The following NPAS3 variants were observed in gnomAD, a reference collection of about 807,000 sequenced individuals.
NPAS3 encodes the protein neuronal PAS domain-containing protein 3.
A neutral mutation model predicts 73.1 loss-of-function variants in NPAS3; 14 were observed. The observed-to-expected ratio is 0.19, with a 90% CI of 0.13 to 0.30. The LOEUF is 0.30. Ranked by LOEUF, NPAS3 falls within the 10% of genes least tolerant of loss-of-function variation. NPAS3 has a pLI of 1.00. For missense variants in NPAS3, 1,096 were observed against 1,250.0 expected, an observed-to-expected ratio of 0.88 and a Z score of 1.86; for synonymous variants, 620 against 541.5, an observed-to-expected ratio of 1.14 and a Z score of -2.01.
intron 9 of NPAS3, chr14:33,780,488 G>A: frequency 2.6e-6 from 1 of 386,456 alleles, no homozygotes; most frequent in East Asian, 7.2e-5. Flanking sequence ...TGTGCAGAGG[G>A]AGATGCCTTC....
At chr14:33,602,758 C>G (rs544987290) in intron 5 of NPAS3, among the ~76,000 whole-genome samples, 3 of 152,102 alleles carry the variant, frequency 2.0e-5, no homozygotes, top group Non-Finnish European at 4.4e-5. Context: ...CAGACTTATC[C>G]TGACAGTAGA....
At chr14:33,098,961 G>T (rs2042501968) in intron 2 of NPAS3, among the ~76,000 whole-genome samples, 1 of 152,200 alleles carries the variant, frequency 6.6e-6, no homozygotes, top group South Asian at 2.1e-4. Flanking sequence ...TTTGGAAATG[G>T]AAACTTAGTC....
At chr14:33,556,053 T>C (rs2055343771) in intron 4 of NPAS3, among the ~76,000 whole-genome samples, 1 of 152,142 alleles carries the variant, frequency 6.6e-6, no homozygotes, top group Non-Finnish European at 1.5e-5. Flanking sequence ...CACCAGGAAA[T>C]TGGAACATGT....
rs181778851 is a variant in NPAS3, at chr14:33,141,741, C to T, written c.141-73441C>T. On this transcript the variant is annotated intron_variant, in intron 2 of 11. Transcript: ENST00000356141. ...AATATACTCGTGATGCACATCTTTG[C>T]GTACATTTTGTATGAATGTTTACAT... Among the ~76,000 whole-genome samples, 531 of 152,210 alleles carry T rather than the reference C, an allele frequency of 3.5e-3. 4 individuals are homozygous for T. The highest frequency in any genetic ancestry group is 0.011 in the African/African-American group (476 of 41,502).
chr14:33,072,773 C>CT (rs1374257813), intron 2 of NPAS3, among the ~76,000 whole-genome samples: 3 of 152,148 alleles, frequency 2.0e-5, no homozygotes, highest in Non-Finnish European at 4.4e-5. Flanking sequence ...AGAGCTGGCA[C>CT]TTTTAGGCCT....
At chr14:33,532,608 TTC>T (rs1158230458) in intron 4 of NPAS3, among the ~76,000 whole-genome samples, 1 of 152,136 alleles carries the variant, frequency 6.6e-6, no homozygotes, top group Non-Finnish European at 1.5e-5. Context: ...ACTCTGGAAG[TTC>T]TCTCTTTCTG....
chr14:33,257,088 G>T (rs995556132), intron 3 of NPAS3, among the ~76,000 whole-genome samples: 1 of 152,080 alleles, frequency 6.6e-6, no homozygotes, highest in Non-Finnish European at 1.5e-5. Flanking sequence ...CCCACTGGGC[G>T]CCACTCCCAG....
At chr14:33,694,759 AAAC>A in intron 6 of NPAS3, among the ~76,000 whole-genome samples, 1 of 152,318 alleles carries the variant, frequency 6.6e-6, no homozygotes, top group East Asian at 1.9e-4. Context: ...CTTATAGTCA[AAAC>A]AACATCTTTC....
chr14:33,202,135 C>T (rs549173498), intron 2 of NPAS3, among the ~76,000 whole-genome samples: 91 of 152,132 alleles, frequency 6.0e-4, no homozygotes, highest in South Asian at 1.2e-3. Context: ...AGTGTGTTGG[C>T]GCACACCTGT....
At chr14:33,447,791 T>C (rs1039226102) in intron 4 of NPAS3, among the ~76,000 whole-genome samples, 4 of 152,160 alleles carry the variant, frequency 2.6e-5, no homozygotes, top group African/African-American at 9.7e-5. Flanking sequence ...GGCACACACC[T>C]ATAGTATGAG....
chr14:33,497,453 A>G (rs1344291735), intron 4 of NPAS3, among the ~76,000 whole-genome samples: 1 of 152,284 alleles, frequency 6.6e-6, no homozygotes, highest in East Asian at 1.9e-4. Flanking sequence ...AAACTATACT[A>G]CAAGGCTACA....
At chr14:33,227,647 AG>A (rs1336958498) in intron 3 of NPAS3, among the ~76,000 whole-genome samples, 1 of 152,122 alleles carries the variant, frequency 6.6e-6, no homozygotes, top group African/African-American at 2.4e-5. Flanking sequence ...CTCATTCATG[AG>A]GGTTCCGCCC....
At chr14:33,603,886 G>A (rs988997497) in intron 5 of NPAS3, among the ~76,000 whole-genome samples, 1 of 152,036 alleles carries the variant, frequency 6.6e-6, no homozygotes, top group African/African-American at 2.4e-5. Context: ...GATGAAACTA[G>A]CACCAAGTTC....
intron 6 of NPAS3, 64 bp from the exon 7 acceptor site, chr14:33,735,150 C>A: frequency 8.9e-7 from 1 of 1,117,870 alleles, no homozygotes; most frequent in Non-Finnish European, 1.4e-6. Context: ...TGCACCTGAG[C>A]TGTAGCTGTG....
chr14:33,183,389 G>A (rs2139453927), intron 2 of NPAS3, among the ~76,000 whole-genome samples: 1 of 138,858 alleles, frequency 7.2e-6, no homozygotes, highest in African/African-American at 2.7e-5. Flanking sequence ...TTACACCAGT[G>A]CACTCCAGCC....
chr14:33,521,315 A>T (rs2053544592), intron 4 of NPAS3, among the ~76,000 whole-genome samples: 1 of 152,126 alleles, frequency 6.6e-6, no homozygotes, highest in Non-Finnish European at 1.5e-5. Context: ...ACAGCTTGAT[A>T]AGTATCTCAG....
intron 4 of NPAS3, among the ~76,000 whole-genome samples, chr14:33,543,289 A>G (rs1434567279): frequency 2.6e-5 from 4 of 152,366 alleles, no homozygotes; most frequent in Non-Finnish European, 4.4e-5. Context: ...GAAATAATCC[A>G]GAATCAGTAT....
chr14:33,368,779 A>G (rs1465985577), intron 4 of NPAS3, among the ~76,000 whole-genome samples: 1 of 152,130 alleles, frequency 6.6e-6, no homozygotes, highest in Non-Finnish European at 1.5e-5. Flanking sequence ...TCAAATTGTT[A>G]CTTCCTTTTC....
At position 33,800,269 on chromosome 14, in the gene NPAS3, A is replaced by T. The variant is rs2063657105; in HGVS notation, c.1962A>T (p.Glu654Asp). 2.5e-6 allele frequency: 4 copies of T among 1,613,324 alleles called. No homozygotes were observed. Among genetic ancestry groups the T allele is most frequent in the Non-Finnish European group, 3.4e-6 (4 of 1,179,636 alleles). ...TCAAGATCAAGACGGAGATCTCAGA[A>T]CCCATCAATTTCGACAATGACAGCA... Residue 654 changes from glutamate to aspartate, a missense_variant, in exon 12 of 12, where the codon GAA (glutamate) becomes GAT (aspartate). This residue lies in a region of NPAS3 where 698 missense variants were observed against 676.7 expected (regional missense o/e 1.03). Transcript: ENST00000356141. This position sits in a 1 kb window ranked among gnomAD's most constrained non-coding sequence, Gnocchi z 6.5.
Sources: gnomAD v4.1 joint callset for allele counts (sites outside exome capture counted in the v4.1 genomes callset) on GRCh38, gnomAD v4.1.1 for gene constraint, gnomAD v4.1.1 regional missense constraint, Gnocchi (gnomAD v3.1) non-coding constraint, MANE v1.5 for transcripts, NCBI Gene and HGNC (gene_info 2026-07-23, HGNC 2026-07-21) for gene names.